Variants in MIPOL1 observed in about 807,000 individuals in gnomAD.
The protein encoded by MIPOL1 is mirror-image polydactyly 1, also known as mirror-image polydactyly gene 1 protein.
MIPOL1 carries 57 observed loss-of-function variants against 60.9 expected under a neutral mutation model. The ratio of observed to expected loss-of-function variants is 0.94; its 90% CI spans 0.76 to 1.17. MIPOL1 has a LOEUF of 1.17. Ranked by LOEUF, MIPOL1 falls within the 50% of genes most tolerant of loss-of-function variation. The pLI is 0.00. For synonymous variants in MIPOL1, 179 were observed against 168.8 expected, an observed-to-expected ratio of 1.06 and a Z score of -0.47; for missense variants, 551 against 511.6, an observed-to-expected ratio of 1.08 and a Z score of -0.74.
chr14:37,542,251 T>G (rs548934565), intron 12 of MIPOL1, among the ~76,000 whole-genome samples: 5 of 152,320 alleles, frequency 3.3e-5, no homozygotes, highest in Admixed American at 3.3e-4. Flanking sequence ...TGGTTCATCT[T>G]TTACTTCTTT....
At chr14:37,266,143 C>T (rs1208765919) in intron 3 of MIPOL1, among the ~76,000 whole-genome samples, 1 of 152,096 alleles carries the variant, frequency 6.6e-6, no homozygotes, top group Admixed American at 6.5e-5. Context: ...TCTGCATCTC[C>T]TCTAAGATTG....
At chr14:37,373,802 T>G (rs888858470) in intron 10 of MIPOL1, among the ~76,000 whole-genome samples, 1 of 152,230 alleles carries the variant, frequency 6.6e-6, no homozygotes, top group African/African-American at 2.4e-5. Flanking sequence ...GCATTTGGGT[T>G]GGTTCCAAGT....
intron 1 of MIPOL1, among the ~76,000 whole-genome samples, chr14:37,203,071 AAG>A (rs1301520012): frequency 6.6e-6 from 1 of 152,178 alleles, no homozygotes; most frequent in African/African-American, 2.4e-5. Flanking sequence ...ATGAGAGAAA[AAG>A]AGATAATGCA....
chr14:37,349,448 C>T (rs1380051251), intron 9 of MIPOL1, among the ~76,000 whole-genome samples: 2 of 152,200 alleles, frequency 1.3e-5, no homozygotes, highest in African/African-American at 4.8e-5. Flanking sequence ...TCATCTCCCA[C>T]TCTTCTCCTC....
chr14:37,472,753 C>A (rs145737883), intron 11 of MIPOL1, among the ~76,000 whole-genome samples: 238 of 152,184 alleles, frequency 1.6e-3, no homozygotes, highest in African/African-American at 5.4e-3. Flanking sequence ...CCCTCTGAAG[C>A]AACACAGAAT....
At chr14:37,385,098 C>T (rs1595521231) in intron 10 of MIPOL1, among the ~76,000 whole-genome samples, 2 of 151,656 alleles carry the variant, frequency 1.3e-5, no homozygotes, top group Admixed American at 6.6e-5. Context: ...AAAAACTATA[C>T]GATAGAAGAA....
chr14:37,437,592 C>T (rs1034301955), intron 11 of MIPOL1, among the ~76,000 whole-genome samples: 5 of 152,094 alleles, frequency 3.3e-5, no homozygotes, highest in Non-Finnish European at 7.4e-5. Context: ...TCCATTCATT[C>T]TTTTGTATGA....
At chr14:37,294,267 A>G (rs2085396142) in intron 7 of MIPOL1, among the ~76,000 whole-genome samples, 1 of 152,192 alleles carries the variant, frequency 6.6e-6, no homozygotes, top group Non-Finnish European at 1.5e-5. Context: ...TAGAAGGAAA[A>G]CTAACAAACA....
intron 11 of MIPOL1, among the ~76,000 whole-genome samples, chr14:37,467,844 A>G (rs1000648256): frequency 1.2e-4 from 18 of 152,152 alleles, no homozygotes; most frequent in African/African-American, 4.3e-4. Context: ...ACCTGAGGTC[A>G]GGAGTTGAAG....
intron 1 of MIPOL1, among the ~76,000 whole-genome samples, chr14:37,212,988 G>A (rs1174689575): frequency 1.3e-5 from 2 of 152,150 alleles, no homozygotes; most frequent in Admixed American, 1.3e-4. Flanking sequence ...GTACCTATGT[G>A]AGTCTGCAAG....
intron 1 of MIPOL1, among the ~76,000 whole-genome samples, chr14:37,199,534 C>CT (rs201041090): frequency 0.015 from 2,251 of 148,530 alleles, 61 homozygotes; most frequent in African/African-American, 0.053. Context: ...TTTTTTTCTT[C>CT]TTTTTTTTGA....
chr14:37,362,076 G>A (rs1404546501), intron 9 of MIPOL1, among the ~76,000 whole-genome samples: 1 of 152,080 alleles, frequency 6.6e-6, no homozygotes, highest in African/African-American at 2.4e-5. Context: ...TTGCCAGTCT[G>A]TGTCCTTTAA....
chr14:37,310,069 A>G (rs1021710788), intron 9 of MIPOL1, among the ~76,000 whole-genome samples: 5 of 151,980 alleles, frequency 3.3e-5, no homozygotes, highest in African/African-American at 7.3e-5. Flanking sequence ...CCCAACACAC[A>G]CACATCTGGC....
chr14:37,367,129 CAG>C (rs2092498147), intron 9 of MIPOL1, among the ~76,000 whole-genome samples: 1 of 151,896 alleles, frequency 6.6e-6, no homozygotes, highest in Non-Finnish European at 1.5e-5. Context: ...TATAGAGTGA[CAG>C]TAATTAATAT....
intron 9 of MIPOL1, among the ~76,000 whole-genome samples, chr14:37,308,942 T>G (rs1173610105): frequency 6.6e-6 from 1 of 151,956 alleles, no homozygotes; most frequent in Non-Finnish European, 1.5e-5. Context: ...ATCAAAATTA[T>G]TCATGTATTT....
chr14:37,217,111 A>C (rs949471674), intron 1 of MIPOL1, among the ~76,000 whole-genome samples: 57 of 152,214 alleles, frequency 3.7e-4, no homozygotes, highest in Admixed American at 3.7e-3. Context: ...AGGATCATTA[A>C]TGAGCAACCA....
At position 37,238,491 on chromosome 14, in the gene MIPOL1, A is replaced by T. The variant is rs188924390; in HGVS notation, c.-198-8612A>T. Reference sequence around the variant, plus strand: ...AGTTTTAATAGTTATGACAGGATAAATATTCAGTTTTGGTTTCCCTTCATT... The same window carrying T: ...AGTTTTAATAGTTATGACAGGATAATTATTCAGTTTTGGTTTCCCTTCATT... On this transcript the variant is annotated intron_variant, in intron 1 of 12. Coordinates refer to ENST00000684589, the MANE Select transcript of MIPOL1 (RefSeq NM_001388067.1). Among the ~76,000 whole-genome samples, 23 of 152,298 alleles carry T rather than the reference A, an allele frequency of 1.5e-4. No homozygotes were observed. In the East Asian group the frequency reaches 3.7e-3, roughly 24 times the overall value.
intron 11 of MIPOL1, among the ~76,000 whole-genome samples, chr14:37,488,672 G>T (rs1175912006): frequency 1.3e-5 from 2 of 152,076 alleles, no homozygotes; most frequent in Admixed American, 6.6e-5. Flanking sequence ...GTCTGTAAAG[G>T]ATTTTATTTC....
intron 10 of MIPOL1, among the ~76,000 whole-genome samples, chr14:37,390,043 AAT>A: frequency 6.6e-6 from 1 of 151,786 alleles, no homozygotes; most frequent in African/African-American, 2.4e-5. Context: ...CTACTACAAA[AAT>A]ATATATATGT....
Sources: allele counts gnomAD v4.1 joint callset (sites outside exome capture counted in the v4.1 genomes callset), GRCh38; gene constraint gnomAD v4.1.1; transcripts MANE v1.5; gene names NCBI Gene and HGNC (gene_info 2026-07-23, HGNC 2026-07-21).